The following SYBU variants were observed in gnomAD, a reference collection of about 807,000 sequenced individuals.
SYBU encodes the protein GOLSYN A protein.
SYBU carries 21 observed loss-of-function variants against 35.9 expected under a neutral mutation model. The observed-to-expected ratio is 0.58, with a 90% confidence interval of 0.41 to 0.84. SYBU has a LOEUF of 0.84. Ranked by LOEUF, SYBU falls within the 40% of genes least tolerant of loss-of-function variation. The pLI, the probability that SYBU is intolerant of heterozygous loss-of-function variation, is 0.00. For synonymous variants in SYBU, 319 were observed against 324.3 expected, an observed-to-expected ratio of 0.98 and a Z score of 0.18; for missense variants, 768 against 848.2, an observed-to-expected ratio of 0.91 and a Z score of 1.17.
At chr8:109,661,042 A>G (rs944454620) in intron 1 of SYBU, among the ~76,000 whole-genome samples, 8 of 152,232 alleles carry the variant, frequency 5.3e-5, no homozygotes, top group African/African-American at 1.9e-4. Flanking sequence ...AAATGATCAA[A>G]AAGAAGAGAG....
intron 6 of SYBU, 151 bp downstream of exon 6, chr8:109,577,717 A>G (rs1822506173): frequency 3.7e-6 from 3 of 813,992 alleles, no homozygotes; most frequent in African/African-American, 3.5e-5. Context: ...GAGTTATGAA[A>G]TGACTCTTTT....
intron 5 of SYBU, among the ~76,000 whole-genome samples, chr8:109,578,521 C>A (rs1297558045): frequency 6.6e-6 from 1 of 152,186 alleles, no homozygotes; most frequent in Non-Finnish European, 1.5e-5. Flanking sequence ...GACCTCACTT[C>A]AGAAGGTGAG....
chr8:109,688,743 A>G (rs1766033257), intron 1 of SYBU, among the ~76,000 whole-genome samples: 1 of 151,272 alleles, frequency 6.6e-6, no homozygotes, highest in Non-Finnish European at 1.5e-5. Flanking sequence ...AAGGATGCAG[A>G]CTCAAAACCT....
chr8:109,594,531 T>C (rs1242656516), intron 3 of SYBU, among the ~76,000 whole-genome samples: 1 of 152,136 alleles, frequency 6.6e-6, no homozygotes, highest in African/African-American at 2.4e-5. Flanking sequence ...CTTCTGTACT[T>C]AAACATGGCT....
Position 109,574,838 on chromosome 8 carries a change from A to G in SYBU, c.*68T>C. The stretch of plus-strand genomic sequence containing the variant: ...GAATAGAGACTGTCACAGATGATTG[A>G]CTTCCTGTTTCTCTACCTGGCACAA... On this transcript the variant is annotated 3_prime_UTR_variant, in exon 7 of 7. Coordinates refer to ENST00000276646, the MANE Select transcript of SYBU (RefSeq NM_001099754.2). 1.4e-6 allele frequency: 2 copies of G among 1,463,912 alleles called. No homozygotes were observed. The highest frequency in any genetic ancestry group is 1.4e-5 in the African/African-American group (1 of 70,964). 90.7% of individuals were successfully genotyped at this position (1,463,912 alleles called of 1,614,324 possible).
intron 1 of SYBU, among the ~76,000 whole-genome samples, chr8:109,670,242 T>G (rs1816928201): frequency 6.6e-6 from 1 of 152,062 alleles, no homozygotes; most frequent in South Asian, 2.1e-4. Flanking sequence ...TAAAACTTTT[T>G]TTAAATTTTT....
chr8:109,655,062 GCTCA>G (rs1816300295), intron 1 of SYBU, among the ~76,000 whole-genome samples: 1 of 152,094 alleles, frequency 6.6e-6, no homozygotes, highest in Non-Finnish European at 1.5e-5. Context: ...ATCTTTCAAT[GCTCA>G]CTACCAGTCT....
intron 3 of SYBU, among the ~76,000 whole-genome samples, chr8:109,589,478 A>G (rs1346962569): frequency 6.6e-6 from 1 of 152,176 alleles, no homozygotes; most frequent in East Asian, 1.9e-4. Context: ...GAATTTGATG[A>G]CCTTTAAGAT....
chr8:109,669,909 C>T (rs3108830), intron 1 of SYBU, among the ~76,000 whole-genome samples: 13,658 of 152,162 alleles, frequency 0.09, 901 homozygotes, highest in East Asian at 0.34. Context: ...CTGATGAATG[C>T]TCATCATAGT....
In SYBU at chr8:109,691,360, C is replaced by T. The variant is rs572854069; in HGVS notation, c.-85G>A. ...TTTCTCGCCCAGAAGGGCCCCATCGCGCTGTCCAGGAGGAGGCACCTACGT... is the reference window on the plus strand; with the variant it reads ...TTTCTCGCCCAGAAGGGCCCCATCGTGCTGTCCAGGAGGAGGCACCTACGT... On this transcript the variant is annotated 5_prime_UTR_variant, in exon 1 of 8. Transcript: ENST00000422135. This position sits in a 1 kb window ranked among gnomAD's most constrained non-coding sequence, Gnocchi z 4.7. 3 of 701,876 alleles carry T rather than the reference C, an allele frequency of 4.3e-6. No homozygotes were observed. The highest frequency in any genetic ancestry group is 2.7e-5 in the East Asian group (1 of 37,124). 43.5% of individuals were successfully genotyped at this position (701,876 alleles called of 1,614,324 possible).
At chr8:109,578,087 G>C in intron 5 of SYBU, 70 bp from the exon 6 acceptor site, 3 of 1,478,632 alleles carry the variant, frequency 2.0e-6, no homozygotes, top group Non-Finnish European at 2.8e-6. Context: ...GAGTAACACA[G>C]AGTGTTATCA....
chr8:109,628,480 G>A (rs1813219723), intron 2 of SYBU, among the ~76,000 whole-genome samples: 1 of 151,974 alleles, frequency 6.6e-6, no homozygotes, highest in Non-Finnish European at 1.5e-5. Flanking sequence ...CCAAAGATGT[G>A]TGCCACAACA....
At chr8:109,585,079 A>G (rs1367051863) in intron 4 of SYBU, among the ~76,000 whole-genome samples, 1 of 152,170 alleles carries the variant, frequency 6.6e-6, no homozygotes, top group Non-Finnish European at 1.5e-5. Context: ...AAAAATAATT[A>G]TATTATTTTT....
chr8:109,682,088 G>C (rs1205690707), upstream of SYBU, among the ~76,000 whole-genome samples: 2 of 152,170 alleles, frequency 1.3e-5, no homozygotes, highest in African/African-American at 4.8e-5. Flanking sequence ...CCTAGTGTCA[G>C]ATATGTCTTT....
At chr8:109,667,352 C>A (rs940197008) in intron 1 of SYBU, among the ~76,000 whole-genome samples, 3 of 152,148 alleles carry the variant, frequency 2.0e-5, no homozygotes, top group South Asian at 2.1e-4. Context: ...TCCTCGTGAT[C>A]CGCCCACCTC....
At chr8:109,686,200 C>T (rs1444924391) in intron 1 of SYBU, among the ~76,000 whole-genome samples, 1 of 151,208 alleles carries the variant, frequency 6.6e-6, no homozygotes, top group African/African-American at 2.4e-5. Flanking sequence ...AGGAAGAGCC[C>T]GTTTCAGCAC....
chr8:109,629,316 A>G (rs544596022), intron 2 of SYBU, among the ~76,000 whole-genome samples: 4 of 152,334 alleles, frequency 2.6e-5, no homozygotes, highest in South Asian at 4.1e-4. Flanking sequence ...TTAACTACCA[A>G]GCACTGTTCT....
chr8:109,604,737 C>T (rs1260228747), intron 3 of SYBU, among the ~76,000 whole-genome samples: 2 of 152,176 alleles, frequency 1.3e-5, no homozygotes, highest in Non-Finnish European at 2.9e-5. Flanking sequence ...GCCCTCTGTG[C>T]ACTAGTGCTT....
chr8:109,590,410 GTT>G (rs11315086), intron 3 of SYBU, among the ~76,000 whole-genome samples: 19 of 147,930 alleles, frequency 1.3e-4, no homozygotes, highest in South Asian at 1.1e-3. Context: ...ATATACAGGT[GTT>G]TTTTTTTTTG....
Sources: gnomAD v4.1 joint callset for allele counts (sites outside exome capture counted in the v4.1 genomes callset) on GRCh38, gnomAD v4.1.1 for gene constraint, Gnocchi (gnomAD v3.1) non-coding constraint, MANE v1.5 for transcripts, NCBI Gene and HGNC (gene_info 2026-07-23, HGNC 2026-07-21) for gene names.